GTF2H1: variants seen among roughly 807,000 people sequenced by gnomAD.
The protein encoded by GTF2H1 is general transcription factor IIH subunit 1.
In GTF2H1, 16 loss-of-function variants were observed where a neutral mutation model predicts 71.2. The observed-to-expected ratio is 0.22, with a 90% CI of 0.15 to 0.34. The LOEUF (loss-of-function observed/expected upper bound fraction) is 0.34, where lower values mean the gene tolerates loss of function less well. GTF2H1 is among the 10% of genes least tolerant of loss of function. The probability of loss-of-function intolerance (pLI) is 1.00; values close to 1 mark genes in which losing one functional copy is unlikely to be tolerated. For synonymous variants in GTF2H1, 215 were observed against 219.0 expected (o/e 0.98, Z 0.16); for missense variants, 498 against 648.2 (o/e 0.77, Z 2.52).
chr11:18,359,860 G>A (rs1217598373), intron 13 of GTF2H1, among the ~76,000 whole-genome samples: 1 of 151,962 alleles, frequency 6.6e-6, no homozygotes, highest in East Asian at 1.9e-4. Context: ...ACAGGCATGA[G>A]CCACTAAACC....
At position 18,365,985 on chromosome 11, in the gene GTF2H1, T is replaced by A. The variant is rs1232133951; in HGVS notation, c.*116T>A. 1 of 687,720 alleles carries A rather than the reference T, an allele frequency of 1.5e-6. No individual in the cohort carries two copies. Among genetic ancestry groups the A allele is most frequent in the African/African-American group, 1.8e-5 (1 of 56,198 alleles). 42.6% of individuals were successfully genotyped at this position (687,720 alleles called of 1,614,324 possible). ...CCTCACAGGAGTGATAAGAAACATC[T>A]GCTCCACGCCAACTCCCAGAGCTGA... On this transcript the variant is annotated 3_prime_UTR_variant, in exon 15 of 15. Coordinates refer to ENST00000265963, the MANE Select transcript of GTF2H1 (RefSeq NM_005316.4).
At position 18,331,450 on chromosome 11, in the gene GTF2H1, T is replaced by C. The variant is rs562815861; in HGVS notation, c.-15-1610T>C. On this transcript the variant is annotated intron_variant, in intron 1 of 14. Transcript: ENST00000265963. The stretch of plus-strand genomic sequence containing the variant: ...GGGAGGCCAAGGCGGGTGGATCACC[T>C]GAGGTCAAGAGTTCGAGACCAGCCT... Among the ~76,000 whole-genome samples, 45 of 152,178 alleles carry C rather than the reference T, an allele frequency of 3.0e-4. No individual in the cohort carries two copies. The South Asian group carries it at 7.3e-3, about 25-fold the overall frequency.
Position 18,332,946 on chromosome 11 carries a change from G to A in GTF2H1, c.-15-114G>A, listed in dbSNP as rs111849512. 204 of 609,866 alleles carry A rather than the reference G, an allele frequency of 3.3e-4. 2 individuals are homozygous for A. Among genetic ancestry groups the A allele is most frequent in the African/African-American group, 3.0e-3 (158 of 53,136 alleles). The allele number at this position is 609,866 out of a possible 1,614,324, so 37.8% of individuals were successfully genotyped here. A position where few individuals can be genotyped will look rare whatever the true frequency, so the allele number is the denominator to read the frequency against. Reference sequence around the variant, plus strand: ...GAGAAAAGAGACTTTCTTCTTCCCCGTTAATTTCCTACAGTTTAGATTTTA... The same window carrying A: ...GAGAAAAGAGACTTTCTTCTTCCCCATTAATTTCCTACAGTTTAGATTTTA... On this transcript the variant is annotated intron_variant, in intron 1 of 14. Coordinates refer to ENST00000265963, the MANE Select transcript of GTF2H1 (RefSeq NM_005316.4).
intron 11 of GTF2H1, among the ~76,000 whole-genome samples, chr11:18,357,032 A>G (rs1000980971): frequency 3.9e-5 from 6 of 152,140 alleles, no homozygotes; most frequent in African/African-American, 1.4e-4. Context: ...GAAAATAGGA[A>G]TAAAGTGAGC....
At chr11:18,346,527 C>A (rs1865297034) in intron 7 of GTF2H1, among the ~76,000 whole-genome samples, 1 of 152,138 alleles carries the variant, frequency 6.6e-6, no homozygotes, top group Admixed American at 6.5e-5. Context: ...GGGTCTTAAT[C>A]AATTTTGTAT....
intron 9 of GTF2H1, chr11:18,348,963 C>T (rs938644222): frequency 6.6e-6 from 1 of 151,764 alleles, no homozygotes; most frequent in Non-Finnish European, 1.5e-5. Context: ...ACTGCAATCT[C>T]GGCTCACTGC....
chr11:18,351,821 A>G, intron 9 of GTF2H1, 60 bp from the exon 10 acceptor site: 1 of 903,352 alleles, frequency 1.1e-6, no homozygotes, highest in Non-Finnish European at 1.8e-6. Context: ...TTTTTCAGTC[A>G]TGTTTATTGT....
chr11:18,332,080 G>A (rs1282168254), intron 1 of GTF2H1, among the ~76,000 whole-genome samples: 1 of 82,126 alleles, frequency 1.2e-5, no homozygotes, highest in Non-Finnish European at 2.4e-5. Context: ...TCCTGCCTTG[G>A]CCTCCCAAAT....
rs938001471 is a variant in GTF2H1, at chr11:18,332,095, G to A, written c.-15-965G>A. On this transcript the variant is annotated intron_variant, in intron 1 of 14. Transcript: ENST00000265963. ...TCCTGCCTTGGCCTCCCAAATTGCG[G>A]GGGGTTACAGGTGTAAGCCACATCA... Among the ~76,000 whole-genome samples the A allele has an allele frequency of 1.1e-3, 14 of 12,374 alleles. No individual in the cohort carries two copies. In the East Asian group the frequency reaches 0.25, roughly 221 times the overall value. The allele number at this position is 12,374 out of a possible 152,430, so 8.1% of individuals were successfully genotyped here. A position where few individuals can be genotyped will look rare whatever the true frequency, so the allele number is the denominator to read the frequency against.
chr11:18,361,002 A>C (rs895741819), intron 14 of GTF2H1, among the ~76,000 whole-genome samples: 2 of 151,708 alleles, frequency 1.3e-5, no homozygotes, highest in African/African-American at 2.4e-5. Context: ...ACGGGGTTTC[A>C]CCATGTTGGC....
Position 18,322,677 on chromosome 11 carries a change from A to C in GTF2H1, c.-79A>C, listed in dbSNP as rs947460135. 4.0e-5 allele frequency: 6 copies of C among 151,376 alleles called. No individual in the cohort carries two copies. The highest frequency in any genetic ancestry group is 1.2e-4 in the African/African-American group (5 of 41,196). The allele number at this position is 151,376 out of a possible 1,614,324, so 9.4% of individuals were successfully genotyped here. On this transcript the variant is annotated 5_prime_UTR_variant, in exon 1 of 15. Coordinates refer to ENST00000265963, the MANE Select transcript of GTF2H1 (RefSeq NM_005316.4). ...TCCCAGCAGCGGCTCTAAGAAGCGC[A>C]GCGGAACTCGACCGGATCCAACCCA... is the stretch of plus-strand genomic sequence containing the variant.
intron 14 of GTF2H1, among the ~76,000 whole-genome samples, chr11:18,361,795 T>A (rs992980098): frequency 6.6e-6 from 1 of 152,230 alleles, no homozygotes; most frequent in Non-Finnish European, 1.5e-5. Flanking sequence ...CTACTCATAG[T>A]AAGCAAAACT....
chr11:18,359,003 A>G (rs1297259099), intron 13 of GTF2H1, among the ~76,000 whole-genome samples: 1 of 152,244 alleles, frequency 6.6e-6, no homozygotes, highest in African/African-American at 2.4e-5. Flanking sequence ...CAAATATAGC[A>G]CTAGCTTTTT....
In GTF2H1 at chr11:18,333,577, T is replaced by C. The variant is rs551959263; in HGVS notation, c.154+349T>C. 4.3e-3 allele frequency: 700 copies of C among 163,622 alleles called. 4 individuals carry two copies. Among genetic ancestry groups the C allele is most frequent in the South Asian group, 8.5e-3 (48 of 5,674 alleles). 10.1% of individuals were successfully genotyped at this position (163,622 alleles called of 1,614,324 possible). On this transcript the variant is annotated intron_variant, in intron 2 of 14. Transcript: ENST00000265963. ...AATTTTTTTATTGCAGTGTTTGCAC[T>C]AATATCATTTCAAGGTTGTATGTGT...
chr11:18,332,906 T>G lies in GTF2H1; in HGVS notation c.-15-154T>G, dbSNP rs985324164. 3 of 520,138 alleles carry G rather than the reference T, an allele frequency of 5.8e-6. No homozygotes were observed. The African/African-American group carries it at 5.8e-5, about 10-fold the overall frequency. The allele number at this position is 520,138 out of a possible 1,614,324, so 32.2% of individuals were successfully genotyped here. A position where few individuals can be genotyped will look rare whatever the true frequency, so the allele number is the denominator to read the frequency against. ...AGAGGAATGATGCCGTGCAACTTTA[T>G]CTTCAACTTTGAATGAGAAAAGAGA... On this transcript the variant is annotated intron_variant, in intron 1 of 14. Coordinates refer to ENST00000265963, the MANE Select transcript of GTF2H1 (RefSeq NM_005316.4).
chr11:18,345,660 T>C (rs905038474), intron 7 of GTF2H1, among the ~76,000 whole-genome samples: 20 of 152,088 alleles, frequency 1.3e-4, no homozygotes, highest in African/African-American at 4.3e-4. Flanking sequence ...CACGCCCAGC[T>C]AATTTTTGTA....
intron 4 of GTF2H1, 46 bp downstream of exon 4, chr11:18,338,320 C>G (rs749948223): frequency 8.0e-7 from 1 of 1,246,128 alleles, no homozygotes; most frequent in Non-Finnish European, 1.2e-6. Context: ...AATTCAAACC[C>G]CAATATGTGT....
chr11:18,326,658 A>G (rs1165394177), intron 1 of GTF2H1, among the ~76,000 whole-genome samples: 1 of 152,068 alleles, frequency 6.6e-6, no homozygotes, highest in Non-Finnish European at 1.5e-5. Context: ...ATTTTCCAAT[A>G]CTAACACTTT....
At chr11:18,364,456 A>G (rs1293118728) in intron 14 of GTF2H1, among the ~76,000 whole-genome samples, 1 of 152,182 alleles carries the variant, frequency 6.6e-6, no homozygotes, top group Non-Finnish European at 1.5e-5. Context: ...TGGTATGCAC[A>G]TGTAGTCCCA....
Sources: gnomAD v4.1 joint callset for allele counts (sites outside exome capture counted in the v4.1 genomes callset) on GRCh38, gnomAD v4.1.1 for gene constraint, MANE v1.5 for transcripts, NCBI Gene and HGNC (gene_info 2026-07-23, HGNC 2026-07-21) for gene names.